GRIN2B: variants seen among roughly 807,000 people sequenced by gnomAD.
The protein encoded by GRIN2B is glutamate ionotropic receptor NMDA type subunit 2B.
Under a neutral mutation model 114.5 loss-of-function variants are expected in GRIN2B, and 5 were observed. That is an observed-to-expected ratio of 0.04 (90% confidence interval 0.02 to 0.09). GRIN2B has a LOEUF of 0.09. GRIN2B is among the 10% of genes least tolerant of loss of function. The probability of loss-of-function intolerance (pLI) is 1.00; values close to 1 mark genes in which losing one functional copy is unlikely to be tolerated. For missense variants in GRIN2B, 1,108 were observed against 1,943.5 expected, an observed-to-expected ratio of 0.57 and a Z score of 8.08; for synonymous variants, 787 against 745.1, an observed-to-expected ratio of 1.06 and a Z score of -0.92.
chr12:13,798,784 C>A (rs1014750976), intron 3 of GRIN2B, among the ~76,000 whole-genome samples: 1 of 152,176 alleles, frequency 6.6e-6, no homozygotes, highest in Non-Finnish European at 1.5e-5. Flanking sequence ...AACATTTCAA[C>A]AGGAAAAAAA....
intron 5 of GRIN2B, among the ~76,000 whole-genome samples, chr12:13,635,668 C>G: frequency 6.6e-6 from 1 of 152,168 alleles, no homozygotes; most frequent in South Asian, 2.1e-4. Context: ...TGCCCTGAAT[C>G]TAGCCATTTG....
At chr12:13,741,517 C>T (rs1328186831) in intron 4 of GRIN2B, among the ~76,000 whole-genome samples, 1 of 152,098 alleles carries the variant, frequency 6.6e-6, no homozygotes, top group East Asian at 1.9e-4. Context: ...AAGTCTTAAT[C>T]TTTCTGGATC....
chr12:13,881,751 A>G (rs899950688), intron 2 of GRIN2B, among the ~76,000 whole-genome samples: 1 of 152,094 alleles, frequency 6.6e-6, no homozygotes, highest in African/African-American at 2.4e-5. Context: ...TTCTCCTCTC[A>G]TTCTACATCA....
chr12:13,753,936 A>G lies in GRIN2B; in HGVS notation c.412-21T>C. ...TCATCCTAGAAAAAGAACAGGACAA[A>G]AAAAGGAAGAGAGAAAAAAATCAAA... On this transcript the variant is annotated intron_variant, in intron 3 of 13. Transcript: ENST00000609686. The surrounding 1 kb of genome is among the most constrained non-coding windows in gnomAD (Gnocchi z 6.2). 2 of 1,506,530 alleles carry G rather than the reference A, an allele frequency of 1.3e-6. No individual in the cohort carries two copies. Among genetic ancestry groups the G allele is most frequent in the Non-Finnish European group, 1.8e-6 (2 of 1,082,508 alleles). The allele number at this position is 1,506,530 out of a possible 1,614,324, so 93.3% of individuals were successfully genotyped here. A position where few individuals can be genotyped will look rare whatever the true frequency, so the allele number is the denominator to read the frequency against.
intron 2 of GRIN2B, among the ~76,000 whole-genome samples, chr12:13,873,236 A>G (rs566749511): frequency 1.7e-4 from 26 of 152,354 alleles, no homozygotes; most frequent in African/African-American, 5.8e-4. Context: ...ATGTTGAACC[A>G]AAGAAGTGAT....
intron 3 of GRIN2B, among the ~76,000 whole-genome samples, chr12:13,828,799 A>C (rs1275539560): frequency 6.6e-6 from 1 of 152,144 alleles, no homozygotes; most frequent in Non-Finnish European, 1.5e-5. Flanking sequence ...TGAAAGTATC[A>C]CAATTTTTGT....
intron 2 of GRIN2B, among the ~76,000 whole-genome samples, chr12:13,869,157 C>A (rs1488784828): frequency 6.6e-6 from 1 of 152,106 alleles, no homozygotes; most frequent in Non-Finnish European, 1.5e-5. Context: ...TAGTTGATAA[C>A]CTCCTTGTGA....
At chr12:13,698,558 T>A (rs566828670) in intron 4 of GRIN2B, among the ~76,000 whole-genome samples, 1 of 152,356 alleles carries the variant, frequency 6.6e-6, no homozygotes, top group East Asian at 1.9e-4. Flanking sequence ...GTGTATTATA[T>A]AATTGTTTCA....
chr12:13,783,349 G>A (rs1864155259), intron 3 of GRIN2B, among the ~76,000 whole-genome samples: 1 of 152,128 alleles, frequency 6.6e-6, no homozygotes, highest in Non-Finnish European at 1.5e-5. Flanking sequence ...TCCGCTTATA[G>A]GCAACAGGAT....
In GRIN2B at chr12:13,757,332, C is replaced by G. The variant is rs1460737008; in HGVS notation, c.412-3417G>C. On this transcript the variant is annotated intron_variant, in intron 3 of 13. Coordinates refer to ENST00000609686, the MANE Select transcript of GRIN2B (RefSeq NM_000834.5). ...GGGACAGCTCTTTTTCAGTAAAGCTCTAGTCTAGCTGTAAGTTGCAAATGG... is the reference window on the plus strand; with the variant it reads ...GGGACAGCTCTTTTTCAGTAAAGCTGTAGTCTAGCTGTAAGTTGCAAATGG... Among the ~76,000 whole-genome samples, 7 of 152,170 alleles carry G rather than the reference C, an allele frequency of 4.6e-5. No homozygotes were observed. In the South Asian group the frequency reaches 6.2e-4, roughly 13 times the overall value.
At chr12:13,718,459 G>A (rs1454453068) in intron 4 of GRIN2B, among the ~76,000 whole-genome samples, 2 of 151,998 alleles carry the variant, frequency 1.3e-5, no homozygotes, top group African/African-American at 4.8e-5. Flanking sequence ...ACTGGACCGA[G>A]GCAGTTCCAA....
intron 3 of GRIN2B, among the ~76,000 whole-genome samples, chr12:13,772,481 C>T (rs1177617572): frequency 6.6e-6 from 1 of 152,208 alleles, no homozygotes; most frequent in Non-Finnish European, 1.5e-5. Flanking sequence ...ACAAGCTCCA[C>T]CCACTTGCCC....
intron 4 of GRIN2B, among the ~76,000 whole-genome samples, chr12:13,689,384 C>T (rs2136555448): frequency 6.6e-6 from 1 of 152,264 alleles, no homozygotes; most frequent in East Asian, 1.9e-4. Flanking sequence ...ATTAACTAGC[C>T]TTATTCCTTT....
intron 3 of GRIN2B, among the ~76,000 whole-genome samples, chr12:13,790,714 T>C (rs985212822): frequency 6.6e-6 from 1 of 152,230 alleles, no homozygotes. Flanking sequence ...GTAGTGATTT[T>C]ATAAAATACA....
intron 2 of GRIN2B, among the ~76,000 whole-genome samples, chr12:13,926,847 G>T (rs1012165380): frequency 1.1e-4 from 16 of 152,114 alleles, no homozygotes; most frequent in African/African-American, 2.7e-4. Flanking sequence ...CAGCTACTTA[G>T]GAGGCTGAGG....
chr12:13,806,341 A>G (rs984843606), intron 3 of GRIN2B, among the ~76,000 whole-genome samples: 4 of 152,066 alleles, frequency 2.6e-5, no homozygotes, highest in African/African-American at 9.7e-5. Flanking sequence ...ATTCTCACCC[A>G]CGGTGTGCAA....
intron 10 of GRIN2B, among the ~76,000 whole-genome samples, chr12:13,578,831 A>G (rs1948809340): frequency 6.6e-6 from 1 of 152,144 alleles, no homozygotes; most frequent in Admixed American, 6.5e-5. Flanking sequence ...CCTCTCTGAG[A>G]AGGTGGCATC....
chr12:13,933,498 T>C (rs1867075984), intron 2 of GRIN2B, among the ~76,000 whole-genome samples: 1 of 152,168 alleles, frequency 6.6e-6, no homozygotes, highest in South Asian at 2.1e-4. Flanking sequence ...TGAATATCCT[T>C]ACACTTACAG....
intron 2 of GRIN2B, among the ~76,000 whole-genome samples, chr12:13,978,962 TATTA>T (rs1285041382): frequency 6.6e-6 from 1 of 152,212 alleles, no homozygotes; most frequent in African/African-American, 2.4e-5. Context: ...AATGTTAAAG[TATTA>T]ATTCCATTTT....
Sources: gnomAD v4.1 joint callset for allele counts (sites outside exome capture counted in the v4.1 genomes callset) on GRCh38, gnomAD v4.1.1 for gene constraint, Gnocchi (gnomAD v3.1) non-coding constraint, MANE v1.5 for transcripts, NCBI Gene and HGNC (gene_info 2026-07-23, HGNC 2026-07-21) for gene names.